FRMPD4: variants seen among roughly 807,000 people sequenced by gnomAD.
FRMPD4 encodes FERM and PDZ domain-containing protein 4.
A neutral mutation model predicts 94.1 loss-of-function variants in FRMPD4; 22 were observed. That is an observed-to-expected ratio of 0.23 (90% CI 0.17 to 0.33). The LOEUF is 0.33. Ranked by LOEUF, FRMPD4 falls within the 10% of genes least tolerant of loss-of-function variation. The pLI, the probability that FRMPD4 is intolerant of heterozygous loss-of-function variation, is 1.00. For synonymous variants in FRMPD4, 631 were observed against 548.6 expected (o/e 1.15, Z -2.10); for missense variants, 1,111 against 1,339.9 (o/e 0.83, Z 2.67).
chrX:12,312,027 G>GA (rs2055038482), intron 1 of FRMPD4, among the ~76,000 whole-genome samples: 1 of 109,606 alleles, frequency 9.1e-6, no homozygotes, highest in Non-Finnish European at 1.9e-5. Context: ...ACTCTCACTG[G>GA]AGTCTCTATA....
intron 3 of FRMPD4, among the ~76,000 whole-genome samples, chrX:11,883,704 C>T (rs977290221): frequency 5.4e-5 from 6 of 111,788 alleles, no homozygotes; most frequent in African/African-American, 1.6e-4. Flanking sequence ...ATTGAATCTT[C>T]CAGTACGTAT....
At chrX:12,075,554 G>A (rs2055006562) in intron 3 of FRMPD4, among the ~76,000 whole-genome samples, 1 of 112,170 alleles carries the variant, frequency 8.9e-6, no homozygotes, top group Non-Finnish European at 1.9e-5. Context: ...GTAAATTTTG[G>A]TTGGGTCCTC....
chrX:12,029,191 G>C (rs1416357696), intron 3 of FRMPD4, among the ~76,000 whole-genome samples: 1 of 111,908 alleles, frequency 8.9e-6, no homozygotes, highest in Non-Finnish European at 1.9e-5. Context: ...GTGTGTGGTG[G>C]TATTTAGTTG....
chrX:12,459,329 TTTATATACAA>T (rs2057369379), intron 1 of FRMPD4, among the ~76,000 whole-genome samples: 1 of 110,867 alleles, frequency 9.0e-6, no homozygotes. Context: ...TGAAATATAA[TTTATATACAA>T]GAAAATTTGC....
At chrX:12,458,554 C>A (rs1272390255) in intron 1 of FRMPD4, among the ~76,000 whole-genome samples, 1 of 111,928 alleles carries the variant, frequency 8.9e-6, no homozygotes, top group Non-Finnish European at 1.9e-5. Flanking sequence ...TGGCTAATGG[C>A]TGACTAGAGC....
chrX:12,053,438 A>AAGAAGAGAAGAGAAGAGAAG (rs199656546), intron 3 of FRMPD4, among the ~76,000 whole-genome samples: 1 of 99,198 alleles, frequency 1.0e-5, no homozygotes, highest in African/African-American at 3.6e-5. Context: ...AAGAGAAAGA[A>AAGAAGAGAAGAGAAGAGAAG]AGAAGAGAAG....
intron 3 of FRMPD4, among the ~76,000 whole-genome samples, chrX:12,032,915 C>T (rs910693430): frequency 4.5e-5 from 5 of 111,606 alleles, no homozygotes; most frequent in Non-Finnish European, 7.5e-5. Flanking sequence ...ATGTGAGGCT[C>T]GGAAATGTGT....
At chrX:12,516,890 C>A (rs939949050) in intron 2 of FRMPD4, among the ~76,000 whole-genome samples, 1 of 76,634 alleles carries the variant, frequency 1.3e-5, no homozygotes, top group African/African-American at 5.2e-5. Flanking sequence ...TTGTTCATTC[C>A]TTTTCGTTCT....
At chrX:11,973,204 A>G (rs1406779278) in intron 3 of FRMPD4, among the ~76,000 whole-genome samples, 1 of 112,676 alleles carries the variant, frequency 8.9e-6, no homozygotes, top group East Asian at 2.8e-4. Flanking sequence ...TTTTGTGTCT[A>G]TTAATTCAGA....
chrX:12,222,280 C>T (rs1437941440), intron 1 of FRMPD4, among the ~76,000 whole-genome samples: 3 of 111,821 alleles, frequency 2.7e-5, no homozygotes, highest in Non-Finnish European at 3.8e-5. Flanking sequence ...CTTTTCCAGT[C>T]CTTCATGATC....
intron 3 of FRMPD4, among the ~76,000 whole-genome samples, chrX:12,065,440 C>T (rs2054912782): frequency 8.9e-6 from 1 of 112,131 alleles, no homozygotes; most frequent in African/African-American, 3.2e-5. Context: ...TATTTCAGAA[C>T]CTAGGACAGT....
intron 3 of FRMPD4, among the ~76,000 whole-genome samples, chrX:12,063,117 T>A (rs1299998976): frequency 2.7e-5 from 3 of 111,903 alleles, no homozygotes; most frequent in Non-Finnish European, 5.6e-5. Flanking sequence ...TGCCTATAAT[T>A]CCAGCACTTT....
chrX:12,396,777 T>C (rs893728114), intron 1 of FRMPD4, among the ~76,000 whole-genome samples: 2 of 112,375 alleles, frequency 1.8e-5, no homozygotes, highest in African/African-American at 6.5e-5. Context: ...AATTGATTTG[T>C]AAGCAATTTT....
At chrX:12,313,740 T>A (rs1601808802) in intron 1 of FRMPD4, among the ~76,000 whole-genome samples, 1 of 111,671 alleles carries the variant, frequency 9.0e-6, no homozygotes, top group Non-Finnish European at 1.9e-5. Context: ...ATAACCAACT[T>A]CTTTAAATTT....
chrX:12,045,505 A>G (rs1356296482), intron 3 of FRMPD4, among the ~76,000 whole-genome samples: 1 of 110,995 alleles, frequency 9.0e-6, no homozygotes, highest in Admixed American at 9.7e-5. Context: ...GCTCCTAGAT[A>G]ATATCAATAT....
At position 12,637,245 on chromosome X, in the gene FRMPD4, C is replaced by A. The variant is rs1448906410; in HGVS notation, c.422+22364C>A. On this transcript the variant is annotated intron_variant, in intron 4 of 16. Coordinates refer to ENST00000675598, the MANE Select transcript of FRMPD4 (RefSeq NM_001368397.1). ...CAGTGACATCACCATAATCCCTCAA[C>A]TTTATCCCACAGTGCACATGCAACA... is the stretch of plus-strand genomic sequence containing the variant. Among the ~76,000 whole-genome samples the A allele has an allele frequency of 2.7e-5, 3 of 112,397 alleles. No individual in the cohort carries two copies. The Admixed American group carries it at 2.8e-4, about 11-fold the overall frequency.
chrX:12,279,547 T>C (rs1446617854), intron 1 of FRMPD4, among the ~76,000 whole-genome samples: 1 of 112,067 alleles, frequency 8.9e-6, no homozygotes, highest in Non-Finnish European at 1.9e-5. Context: ...GACCAGCTAG[T>C]ACTGGGCTCT....
At chrX:11,968,829 C>T (rs146128193) in intron 3 of FRMPD4, among the ~76,000 whole-genome samples, 12 of 112,290 alleles carry the variant, frequency 1.1e-4, no homozygotes, top group African/African-American at 3.2e-4. Flanking sequence ...GGTGCATCTG[C>T]TATACACTGA....
rs1328616415 is a variant in FRMPD4, at chrX:12,109,523, C to A, written c.95+231505C>A. 3.6e-5 allele frequency among the ~76,000 whole-genome samples: 4 copies of A among 111,442 alleles called. No homozygotes were observed. In the East Asian group the frequency reaches 1.1e-3, roughly 32 times the overall value. ...ATCACAATTAAAAGAACTAGAGAAGCAAGAGCAAACACATTGAAAAGCTAG... is the reference window on the plus strand; with the variant it reads ...ATCACAATTAAAAGAACTAGAGAAGAAAGAGCAAACACATTGAAAAGCTAG... On this transcript the variant is annotated intron_variant, in intron 3 of 18. Coordinates refer to the FRMPD4 transcript ENST00000640291.
Sources: allele counts gnomAD v4.1 joint callset (sites outside exome capture counted in the v4.1 genomes callset), GRCh38; gene constraint gnomAD v4.1.1; transcripts MANE v1.5; gene names NCBI Gene and HGNC (gene_info 2026-07-23, HGNC 2026-07-21).